SCNN1G: variants seen among roughly 807,000 people sequenced by gnomAD.
The protein encoded by SCNN1G is epithelial sodium channel subunit gamma.
In SCNN1G, 27 loss-of-function variants were observed where a neutral mutation model predicts 64.6. That is an observed-to-expected ratio of 0.42 (90% CI 0.31 to 0.58). The LOEUF is 0.58. SCNN1G is among the 20% of genes least tolerant of loss of function. SCNN1G has a pLI of 0.18. For missense variants in SCNN1G, 743 were observed against 823.4 expected (o/e 0.90, Z 1.19); for synonymous variants, 330 against 314.2 (o/e 1.05, Z -0.53).
At chr16:23,213,081 C>T (rs1352426989) in intron 10 of SCNN1G, 21 bp from the exon 11 acceptor site, 15 of 1,612,144 alleles carry the variant, frequency 9.3e-6, no homozygotes, top group African/African-American at 5.3e-5. Flanking sequence ...CTCAGGCCCA[C>T]GCTTTCTCTC....
chr16:23,210,337 G>C (rs1238751261), intron 7 of SCNN1G, among the ~76,000 whole-genome samples: 2 of 152,154 alleles, frequency 1.3e-5, no homozygotes, highest in Non-Finnish European at 2.9e-5. Flanking sequence ...GATGGTGTTC[G>C]AAAGTCAAGG....
intron 2 of SCNN1G, among the ~76,000 whole-genome samples, chr16:23,187,713 C>T (rs1011063837): frequency 6.6e-6 from 1 of 152,136 alleles, no homozygotes; most frequent in Non-Finnish European, 1.5e-5. Context: ...TTGAGCTCAT[C>T]GGGCCCTGGG....
chr16:23,212,471 G>A (rs748117011), intron 8 of SCNN1G, among the ~76,000 whole-genome samples: 17 of 152,224 alleles, frequency 1.1e-4, no homozygotes, highest in Middle Eastern at 3.4e-3. Context: ...CAAACCAAGG[G>A]TGGTCTGACC....
intron 2 of SCNN1G, among the ~76,000 whole-genome samples, chr16:23,188,855 C>T (rs1166121639): frequency 5.9e-5 from 9 of 152,002 alleles, no homozygotes; most frequent in Non-Finnish European, 1.3e-4. Flanking sequence ...TTGTGCTTCA[C>T]GCAGGCAACT....
Position 23,192,440 on chromosome 16 carries a change from A to C in SCNN1G, c.707A>C (p.Asn236Thr), listed in dbSNP as rs1372531515. 2 of 1,613,950 alleles carry C rather than the reference A, an allele frequency of 1.2e-6. No individual in the cohort carries two copies. Among genetic ancestry groups the C allele is most frequent in the Admixed American group, 3.3e-5 (2 of 60,024 alleles). Residue 236 changes from asparagine to threonine, a missense_variant, in exon 4 of 13, where the codon AAC becomes ACC. Physicochemically the swap from Asn to Thr is moderately conservative, Grantham distance 65. Transcript: ENST00000300061. ...IQEWYKLHYM[N>T]IMAQVPLEKK... Reference sequence around the variant, plus strand: ...GAGTGGTATAAGCTACACTACATGAACATCATGGCACAGGTGCCTCTGGAG... The same window carrying C: ...GAGTGGTATAAGCTACACTACATGACCATCATGGCACAGGTGCCTCTGGAG...
At chr16:23,194,141 C>G (rs780720255) in intron 4 of SCNN1G, 30 bp from the exon 5 acceptor site, 5 of 1,469,784 alleles carry the variant, frequency 3.4e-6, no homozygotes, top group Non-Finnish European at 4.8e-6. Context: ...TGGGGGAGAT[C>G]CCTTTCTGAC....
chr16:23,205,412 T>G lies in SCNN1G; in HGVS notation c.1078-4338T>G, dbSNP rs146851373. Among the ~76,000 whole-genome samples the G allele has an allele frequency of 3.0e-3, 463 of 152,016 alleles. 2 individuals carry two copies. Among genetic ancestry groups the G allele is most frequent in the African/African-American group, 0.011 (447 of 41,470 alleles). ...CCCAAAGCAAACAAAACCTCCTCAA[T>G]AATGAGTCCAAGCTGGGCACAGTGG... On this transcript the variant is annotated intron_variant, in intron 6 of 12. Coordinates refer to ENST00000300061, the MANE Select transcript of SCNN1G (RefSeq NM_001039.4).
At chr16:23,212,618 G>T (rs976324331) in intron 8 of SCNN1G, 60 bp from the exon 9 acceptor site, 2 of 1,317,920 alleles carry the variant, frequency 1.5e-6, no homozygotes, top group African/African-American at 2.9e-5. Context: ...GTGACCTGGG[G>T]ATGGCCAGGA....
At chr16:23,204,264 G>C (rs1164925095) in intron 6 of SCNN1G, among the ~76,000 whole-genome samples, 1 of 134,742 alleles carries the variant, frequency 7.4e-6, no homozygotes, top group Non-Finnish European at 1.6e-5. Context: ...GGGTGGCAGA[G>C]TGATACTCCA....
rs186319499 is a variant in SCNN1G, at chr16:23,193,916, T to A, written c.810-255T>A. ...GGGGACAGACATGGCACAAAGAATG[T>A]CAAGTCAGGATAGAGATGAAGGTGA... On this transcript the variant is annotated intron_variant, in intron 4 of 12. Coordinates refer to ENST00000300061, the MANE Select transcript of SCNN1G (RefSeq NM_001039.4). 4.9e-4 allele frequency among the ~76,000 whole-genome samples: 74 copies of A among 152,226 alleles called. 1 individual carries two copies. The highest frequency in any genetic ancestry group is 9.1e-4 in the Non-Finnish European group (62 of 68,014).
intron 4 of SCNN1G, among the ~76,000 whole-genome samples, chr16:23,192,893 A>AC (rs1385889568): frequency 2.6e-5 from 4 of 151,436 alleles, no homozygotes; most frequent in Non-Finnish European, 4.4e-5. Flanking sequence ...ACATAGCGAG[A>AC]CCCCGTCTCT....
chr16:23,200,504 G>A (rs1277670091), intron 6 of SCNN1G, among the ~76,000 whole-genome samples: 1 of 152,144 alleles, frequency 6.6e-6, no homozygotes, highest in Non-Finnish European at 1.5e-5. Context: ...AAAAGATGGT[G>A]GGCAATTAGG....
intron 6 of SCNN1G, among the ~76,000 whole-genome samples, chr16:23,203,769 CAAAAAAAAAA>C (rs71151702): frequency 7.1e-5 from 3 of 42,268 alleles, no homozygotes; most frequent in African/African-American, 1.3e-4. Context: ...GACTCCGTCT[CAAAAAAAAAA>C]AAAAAAAAAA....
At chr16:23,207,222 C>G (rs1960004937) in intron 6 of SCNN1G, among the ~76,000 whole-genome samples, 7 of 152,234 alleles carry the variant, frequency 4.6e-5, no homozygotes. Flanking sequence ...CCAGCCACCC[C>G]TGCTGGCTGC....
Position 23,194,198 on chromosome 16 carries a change from G to C in SCNN1G, c.837G>C (p.Met279Ile). 1 of 1,613,828 alleles carries C rather than the reference G, an allele frequency of 6.2e-7. No homozygotes were observed. The highest frequency in any genetic ancestry group is 8.5e-7 in the Non-Finnish European group (1 of 1,179,836). Residue 279 changes from methionine to isoleucine, a missense_variant, in exon 5 of 13, where the codon ATG (methionine) becomes ATC (isoleucine). Met to Ile is a conservative substitution (Grantham distance 10). Transcript: ENST00000300061. ...ARNFTLFHHP[M>I]HGNCYTFNNR... ...ATTTCACGCTTTTCCACCACCCGAT[G>C]CATGGGAATTGCTATACTTTCAACA...
At chr16:23,213,362 C>G (rs762302705) in intron 11 of SCNN1G, among the ~76,000 whole-genome samples, 199 bp downstream of exon 11, 39 of 151,626 alleles carry the variant, frequency 2.6e-4, no homozygotes, top group Non-Finnish European at 5.0e-4. Flanking sequence ...CAGCAATCCT[C>G]CTGCCTCAGC....
intron 6 of SCNN1G, among the ~76,000 whole-genome samples, chr16:23,204,312 TATATATATATATATATATATATAG>T (rs1301245058): frequency 7.5e-5 from 6 of 79,890 alleles, no homozygotes; most frequent in African/African-American, 2.3e-4. Context: ...TATATATATA[TATATATATATATATATATATATAG>T]AGAGAGAGAG....
intron 4 of SCNN1G, among the ~76,000 whole-genome samples, chr16:23,193,188 T>C (rs1959739952): frequency 2.0e-5 from 3 of 151,600 alleles, no homozygotes; most frequent in Non-Finnish European, 2.9e-5. Flanking sequence ...ATTACCATCA[T>C]GCATACTGAT....
At chr16:23,214,837 A>G (rs1262734235) in intron 12 of SCNN1G, 50 bp downstream of exon 12, 14 of 1,467,434 alleles carry the variant, frequency 9.5e-6, no homozygotes, top group Non-Finnish European at 1.2e-5. Flanking sequence ...TACAAATGTG[A>G]GCATCTTCCT....
Sources: gnomAD v4.1 joint callset for allele counts (sites outside exome capture counted in the v4.1 genomes callset) on GRCh38, gnomAD v4.1.1 for gene constraint, MANE v1.5 for transcripts, NCBI Gene and HGNC (gene_info 2026-07-23, HGNC 2026-07-21) for gene names.